Variants in ARL15 observed in about 807,000 individuals in gnomAD.
ARL15 encodes ARF like GTPase 15.
Under a neutral mutation model 25.2 loss-of-function variants are expected in ARL15, and 19 were observed. The observed-to-expected ratio is 0.75, with a 90% CI of 0.53 to 1.10. The LOEUF is 1.10. ARL15 is among the 50% of genes least tolerant of loss of function. ARL15 has a pLI of 0.00. For synonymous variants in ARL15, 94 were observed against 86.8 expected, an observed-to-expected ratio of 1.08 and a Z score of -0.46; for missense variants, 220 against 246.0, an observed-to-expected ratio of 0.89 and a Z score of 0.71.
intron 4 of ARL15, among the ~76,000 whole-genome samples, chr5:53,954,460 G>T (rs1747079394): frequency 6.6e-6 from 1 of 152,096 alleles, no homozygotes; most frequent in Non-Finnish European, 1.5e-5. Context: ...ATGTTCCATA[G>T]CCCAATTCCT....
chr5:54,130,753 G>A lies in ARL15; in HGVS notation c.254-17343C>T, dbSNP rs192858882. On this transcript the variant is annotated intron_variant, in intron 3 of 4. Coordinates refer to ENST00000504924, the MANE Select transcript of ARL15 (RefSeq NM_019087.3). Reference sequence around the variant, plus strand: ...ATTGATTTTTGGTAGCCAAAACTTAGGTAGAAAATTAAAGAACCAGGGACA... The same window carrying A: ...ATTGATTTTTGGTAGCCAAAACTTAAGTAGAAAATTAAAGAACCAGGGACA... Among the ~76,000 whole-genome samples, 473 of 152,206 alleles carry A rather than the reference G, an allele frequency of 3.1e-3. 5 individuals carry two copies. Among genetic ancestry groups the A allele is most frequent in the African/African-American group, 0.011 (460 of 41,538 alleles).
chr5:53,971,592 A>C (rs562899093), intron 4 of ARL15, among the ~76,000 whole-genome samples: 1 of 141,528 alleles, frequency 7.1e-6, no homozygotes, highest in African/African-American at 2.6e-5. Context: ...TCCACACACA[A>C]ACACCACATG....
intron 3 of ARL15, among the ~76,000 whole-genome samples, chr5:54,145,112 G>C (rs1561241548): frequency 6.7e-6 from 1 of 150,068 alleles, no homozygotes; most frequent in Admixed American, 6.6e-5. Flanking sequence ...TTTTGGCTAT[G>C]GAAGAAAAAT....
At chr5:54,019,888 A>C (rs1463420961) in intron 4 of ARL15, among the ~76,000 whole-genome samples, 2 of 152,184 alleles carry the variant, frequency 1.3e-5, no homozygotes, top group African/African-American at 4.8e-5. Context: ...ATATCTACAA[A>C]AGCATTAAAC....
chr5:54,042,924 A>C (rs1750389195), intron 4 of ARL15, among the ~76,000 whole-genome samples: 1 of 151,202 alleles, frequency 6.6e-6, no homozygotes, highest in South Asian at 2.1e-4. Context: ...ATATAGGTTC[A>C]AAAAAAAATA....
intron 4 of ARL15, among the ~76,000 whole-genome samples, chr5:53,968,981 C>T (rs536971588): frequency 4.7e-4 from 71 of 151,886 alleles, no homozygotes; most frequent in African/African-American, 1.7e-3. Flanking sequence ...AACCCCGTCT[C>T]TACTAAAAAA....
intron 3 of ARL15, among the ~76,000 whole-genome samples, chr5:54,114,138 CT>C (rs1432999274): frequency 1.3e-5 from 2 of 151,988 alleles, no homozygotes; most frequent in Non-Finnish European, 2.9e-5. Flanking sequence ...TGGTTCACAC[CT>C]GTAATCTCAG....
chr5:53,898,397 T>C (rs888851634), intron 4 of ARL15, among the ~76,000 whole-genome samples: 2 of 152,332 alleles, frequency 1.3e-5, no homozygotes, highest in East Asian at 3.9e-4. Flanking sequence ...GTAAATTCTT[T>C]AAACGTTTGG....
intron 3 of ARL15, among the ~76,000 whole-genome samples, chr5:54,131,107 G>C (rs1019438858): frequency 1.4e-4 from 21 of 152,244 alleles, no homozygotes; most frequent in Admixed American, 1.4e-3. Flanking sequence ...CCCATCTCTT[G>C]TCATCACCTC....
chr5:54,130,818 G>A (rs1400018738), intron 3 of ARL15, among the ~76,000 whole-genome samples: 1 of 152,198 alleles, frequency 6.6e-6, no homozygotes, highest in Non-Finnish European at 1.5e-5. Context: ...AAAAGCCATG[G>A]TTTGAAGGAA....
intron 1 of ARL15, among the ~76,000 whole-genome samples, chr5:54,219,829 T>G (rs2112528037): frequency 6.6e-6 from 1 of 152,314 alleles, no homozygotes; most frequent in East Asian, 1.9e-4. Flanking sequence ...TACTAACTGT[T>G]CTTTAAAAGC....
intron 4 of ARL15, among the ~76,000 whole-genome samples, chr5:54,010,321 G>A (rs373448143): frequency 3.3e-5 from 5 of 152,314 alleles, no homozygotes; most frequent in African/African-American, 1.2e-4. Flanking sequence ...CAATAAATGA[G>A]CTACAAATTT....
intron 4 of ARL15, among the ~76,000 whole-genome samples, chr5:54,111,484 T>A (rs538619215): frequency 6.6e-6 from 1 of 152,202 alleles, no homozygotes; most frequent in South Asian, 2.1e-4. Flanking sequence ...TTCATTCCTA[T>A]GGAGGGTAAC....
rs372453288 is a variant in ARL15 at position 54,296,267 on chromosome 5, A to G, written c.48+14165T>C. ...ATCTTTTTGGTGACAACAGTACCAT[A>G]AGTCCTTGTTTTATATACACTTTTG... On this transcript the variant is annotated intron_variant, in intron 1 of 4. Coordinates refer to ENST00000504924, the MANE Select transcript of ARL15 (RefSeq NM_019087.3). Among the ~76,000 whole-genome samples, 41 of 152,344 alleles carry G rather than the reference A, an allele frequency of 2.7e-4. 1 individual carries two copies. In the South Asian group the frequency reaches 5.6e-3, roughly 21 times the overall value.
chr5:54,296,469 G>T (rs1758467987), intron 1 of ARL15, among the ~76,000 whole-genome samples: 1 of 152,186 alleles, frequency 6.6e-6, no homozygotes, highest in Non-Finnish European at 1.5e-5. Context: ...GTCTGGCTCT[G>T]CCCCTGACCA....
At chr5:54,106,092 T>C (rs1369308275) in intron 4 of ARL15, among the ~76,000 whole-genome samples, 3 of 152,160 alleles carry the variant, frequency 2.0e-5, no homozygotes, top group Admixed American at 6.5e-5. Flanking sequence ...TACCCTGATA[T>C]GGTGTTAAAA....
chr5:53,949,157 A>C (rs1023466825), intron 4 of ARL15, among the ~76,000 whole-genome samples: 5 of 152,246 alleles, frequency 3.3e-5, no homozygotes, highest in African/African-American at 7.2e-5. Flanking sequence ...AAGACTCACA[A>C]GACAATACAA....
intron 1 of ARL15, among the ~76,000 whole-genome samples, chr5:54,292,447 G>A (rs943264538): frequency 6.6e-5 from 10 of 152,094 alleles, no homozygotes; most frequent in Non-Finnish European, 1.5e-4. Flanking sequence ...ATCAGCAAGC[G>A]GATCTCTCCA....
At chr5:54,048,681 G>GGT (rs1200861710) in intron 4 of ARL15, among the ~76,000 whole-genome samples, 1 of 151,744 alleles carries the variant, frequency 6.6e-6, no homozygotes, top group Non-Finnish European at 1.5e-5. Context: ...TGGGATTACA[G>GGT]GTGTGAGCCA....
Sources: allele counts gnomAD v4.1 joint callset (sites outside exome capture counted in the v4.1 genomes callset), GRCh38; gene constraint gnomAD v4.1.1; transcripts MANE v1.5; gene names NCBI Gene and HGNC (gene_info 2026-07-23, HGNC 2026-07-21).